ADK: variants seen among roughly 807,000 people sequenced by gnomAD.
ADK encodes the protein N6,N6-dimethyladenosine kinase.
A neutral mutation model predicts 44.7 loss-of-function variants in ADK; 24 were observed. The observed-to-expected ratio is 0.54, with a 90% CI of 0.39 to 0.76. ADK has a LOEUF of 0.76. Among genes scored for constraint, ADK ranks in the 30% least tolerant of loss-of-function variants. The pLI, the probability that ADK is intolerant of heterozygous loss-of-function variation, is 0.00. For synonymous variants in ADK, 128 were observed against 142.6 expected (o/e 0.90, Z 0.73); for missense variants, 321 against 425.1 (o/e 0.76, Z 2.15).
chr10:74,239,383 A>G (rs997899085), intron 3 of ADK, among the ~76,000 whole-genome samples: 5 of 152,140 alleles, frequency 3.3e-5, no homozygotes, highest in Non-Finnish European at 5.9e-5. Context: ...TTAGCTCTGG[A>G]TGAAGACAAT....
intron 3 of ADK, among the ~76,000 whole-genome samples, chr10:74,277,465 C>T (rs1023607103): frequency 6.6e-6 from 1 of 151,240 alleles, no homozygotes; most frequent in Admixed American, 6.6e-5. Context: ...GGTGTGATCT[C>T]GGCTCACTGC....
intron 6 of ADK, among the ~76,000 whole-genome samples, chr10:74,493,771 G>A (rs1847579343): frequency 6.6e-6 from 1 of 152,034 alleles, no homozygotes; most frequent in South Asian, 2.1e-4. Context: ...TCTTTGAAAG[G>A]TCATAGGAAA....
At chr10:74,612,571 A>G (rs1294646675) in intron 9 of ADK, among the ~76,000 whole-genome samples, 1 of 152,088 alleles carries the variant, frequency 6.6e-6, no homozygotes, top group Non-Finnish European at 1.5e-5. Context: ...ATTTTCTCCT[A>G]ATCTGTAGGC....
chr10:74,394,962 G>C (rs1052087585), intron 5 of ADK, among the ~76,000 whole-genome samples: 1 of 151,960 alleles, frequency 6.6e-6, no homozygotes, highest in Non-Finnish European at 1.5e-5. Context: ...ATATTGGTTG[G>C]TTGTTCTTTT....
chr10:74,611,565 TA>T (rs1396639902), intron 9 of ADK, among the ~76,000 whole-genome samples: 1 of 151,174 alleles, frequency 6.6e-6, no homozygotes, highest in Non-Finnish European at 1.5e-5. Context: ...ATATATTACA[TA>T]AGGCTGGGGT....
chr10:74,167,477 A>G (rs1166827835), intron 1 of ADK, among the ~76,000 whole-genome samples: 3 of 152,200 alleles, frequency 2.0e-5, no homozygotes, highest in African/African-American at 7.2e-5. Context: ...AGCTGACAAC[A>G]GGTCTGGTCT....
chr10:74,336,871 A>T (rs1841426735), intron 4 of ADK, among the ~76,000 whole-genome samples: 1 of 152,216 alleles, frequency 6.6e-6, no homozygotes, highest in African/African-American at 2.4e-5. Context: ...GGGAATAATG[A>T]CAAGAAAAAA....
chr10:74,603,511 TG>T (rs909270727), intron 9 of ADK, among the ~76,000 whole-genome samples: 1 of 152,156 alleles, frequency 6.6e-6, no homozygotes, highest in African/African-American at 2.4e-5. Context: ...ATGCAGTGTT[TG>T]GTTTTCTGTT....
intron 3 of ADK, among the ~76,000 whole-genome samples, chr10:74,271,929 G>T (rs1177832560): frequency 6.6e-6 from 1 of 151,670 alleles, no homozygotes; most frequent in African/African-American, 2.4e-5. Context: ...GTTTTTTTCT[G>T]AGTAGAAACC....
intron 3 of ADK, among the ~76,000 whole-genome samples, chr10:74,245,763 G>A (rs2132317169): frequency 6.6e-6 from 1 of 151,896 alleles, no homozygotes; most frequent in East Asian, 1.9e-4. Flanking sequence ...GCTAATTTTT[G>A]TAATTTTAGT....
At chr10:74,652,161 C>T (rs1854299053) in intron 9 of ADK, among the ~76,000 whole-genome samples, 1 of 151,456 alleles carries the variant, frequency 6.6e-6, no homozygotes, top group South Asian at 2.1e-4. Context: ...CCTGCCTCAG[C>T]CTCCCGAGTA....
chr10:74,361,467 A>G (rs962947114), intron 4 of ADK, among the ~76,000 whole-genome samples: 22 of 152,200 alleles, frequency 1.4e-4, no homozygotes, highest in Non-Finnish European at 2.9e-4. Flanking sequence ...TTTAAAACTG[A>G]TAATCAACTT....
intron 9 of ADK, among the ~76,000 whole-genome samples, chr10:74,616,418 G>A (rs1435745073): frequency 6.6e-6 from 1 of 152,052 alleles, no homozygotes; most frequent in Non-Finnish European, 1.5e-5. Context: ...AGGATAGGGA[G>A]AATGATTCAT....
intron 1 of ADK, among the ~76,000 whole-genome samples, chr10:74,180,244 A>T (rs535114853): frequency 1.7e-3 from 254 of 146,038 alleles, no homozygotes; most frequent in African/African-American, 5.9e-3. Context: ...TGTTATTATT[A>T]ATTATTATTT....
At chr10:74,429,586 T>C (rs1312233643) in intron 6 of ADK, among the ~76,000 whole-genome samples, 1 of 152,172 alleles carries the variant, frequency 6.6e-6, no homozygotes, top group African/African-American at 2.4e-5. Context: ...AAGTTAGGTA[T>C]AATATTAATA....
intron 3 of ADK, among the ~76,000 whole-genome samples, chr10:74,230,640 A>G (rs939372790): frequency 6.6e-6 from 1 of 151,834 alleles, no homozygotes; most frequent in African/African-American, 2.4e-5. Context: ...TCTGCTCCCA[A>G]AGTGTTATGA....
chr10:74,463,272 G>A (rs1846233746), intron 6 of ADK, among the ~76,000 whole-genome samples: 1 of 152,112 alleles, frequency 6.6e-6, no homozygotes, highest in South Asian at 2.1e-4. Flanking sequence ...CTTTATTTCT[G>A]TTATTATTAC....
chr10:74,569,056 T>G (rs1850818821), intron 7 of ADK, among the ~76,000 whole-genome samples: 1 of 152,098 alleles, frequency 6.6e-6, no homozygotes, highest in African/African-American at 2.4e-5. Flanking sequence ...AGTAGTTTGC[T>G]GAGAATGATG....
chr10:74,707,467 A>G (rs995630121), intron 10 of ADK, among the ~76,000 whole-genome samples: 3 of 152,158 alleles, frequency 2.0e-5, no homozygotes, highest in Admixed American at 2.0e-4. Flanking sequence ...GACCCTATCA[A>G]CATATGCTTC....
Sources: gnomAD v4.1 joint callset for allele counts (sites outside exome capture counted in the v4.1 genomes callset) on GRCh38, gnomAD v4.1.1 for gene constraint, MANE v1.5 for transcripts, NCBI Gene and HGNC (gene_info 2026-07-23, HGNC 2026-07-21) for gene names.